Variants in NOS1AP observed in about 807,000 individuals in gnomAD.
NOS1AP encodes nitric oxide synthase 1 adaptor protein.
A neutral mutation model predicts 56.2 loss-of-function variants in NOS1AP; 21 were observed. That is an observed-to-expected ratio of 0.37 (90% CI 0.26 to 0.54). The LOEUF (loss-of-function observed/expected upper bound fraction) is 0.54, where lower values mean the gene tolerates loss of function less well. Among genes scored for constraint, NOS1AP ranks in the 20% least tolerant of loss-of-function variants. NOS1AP has a pLI of 0.84. For missense variants in NOS1AP, 522 were observed against 657.8 expected (o/e 0.79, Z 2.26); for synonymous variants, 270 against 274.6 (o/e 0.98, Z 0.17).
intron 4 of NOS1AP, among the ~76,000 whole-genome samples, chr1:162,322,423 A>G (rs1050559652): frequency 3.9e-4 from 60 of 152,292 alleles, no homozygotes; most frequent in African/African-American, 1.4e-3. Context: ...AAGGAGGTGG[A>G]TACTCTTTCT....
At chr1:162,190,949 T>C (rs1366604475) in intron 2 of NOS1AP, among the ~76,000 whole-genome samples, 1 of 152,142 alleles carries the variant, frequency 6.6e-6, no homozygotes, top group Non-Finnish European at 1.5e-5. Flanking sequence ...AGGGATGAGA[T>C]GCTAGGGTAA....
chr1:162,274,458 T>C (rs1654679245), intron 2 of NOS1AP, among the ~76,000 whole-genome samples: 1 of 152,212 alleles, frequency 6.6e-6, no homozygotes. Context: ...GCAACCCTAA[T>C]TTCTTGTTAT....
At chr1:162,363,026 CA>C in intron 8 of NOS1AP, 7 of 430,272 alleles carry the variant, frequency 1.6e-5, no homozygotes, top group Non-Finnish European at 2.2e-5. Flanking sequence ...ACCAAGCAAG[CA>C]AGCAGTTCTG....
intron 2 of NOS1AP, among the ~76,000 whole-genome samples, chr1:162,199,667 C>G (rs943632571): frequency 6.6e-6 from 1 of 151,172 alleles, no homozygotes; most frequent in African/African-American, 2.4e-5. Flanking sequence ...TGCAAATCCT[C>G]CTGCCCTGAC....
chr1:162,329,710 T>C (rs1656706258), intron 4 of NOS1AP, among the ~76,000 whole-genome samples: 1 of 152,200 alleles, frequency 6.6e-6, no homozygotes, highest in African/African-American at 2.4e-5. Context: ...TGGAATGTAT[T>C]TCTTGATCTG....
intron 6 of NOS1AP, among the ~76,000 whole-genome samples, chr1:162,353,713 C>T (rs138731766): frequency 6.6e-6 from 1 of 152,350 alleles, no homozygotes; most frequent in African/African-American, 2.4e-5. Context: ...AGCCCAGCTT[C>T]TCCTGATCAC....
chr1:162,157,482 A>G (rs532098319), intron 2 of NOS1AP, among the ~76,000 whole-genome samples: 57 of 152,202 alleles, frequency 3.7e-4, no homozygotes, highest in Admixed American at 7.2e-4. Flanking sequence ...ATTTCTGTGT[A>G]AAGGACTATT....
chr1:162,323,478 G>C (rs1656481660), intron 4 of NOS1AP, among the ~76,000 whole-genome samples: 1 of 152,208 alleles, frequency 6.6e-6, no homozygotes, highest in Non-Finnish European at 1.5e-5. Flanking sequence ...ATGCACAGGG[G>C]TTACCTCTCT....
intron 2 of NOS1AP, among the ~76,000 whole-genome samples, chr1:162,282,244 C>T (rs1315780088): frequency 6.6e-6 from 1 of 152,228 alleles, no homozygotes; most frequent in African/African-American, 2.4e-5. Context: ...ACCTGTTAAA[C>T]AACTTCCATT....
At chr1:162,342,657 T>C (rs114488722) in intron 5 of NOS1AP, 44 of 460,782 alleles carry the variant, frequency 9.5e-5, no homozygotes, top group African/African-American at 7.4e-4. Flanking sequence ...TCTAGACTTA[T>C]CAAAACACTG....
At chr1:162,288,945 A>G (rs1282874099) in intron 3 of NOS1AP, among the ~76,000 whole-genome samples, 1 of 152,170 alleles carries the variant, frequency 6.6e-6, no homozygotes, top group Non-Finnish European at 1.5e-5. Context: ...TCTTTAGAGT[A>G]TTGTCCTCTT....
chr1:162,114,888 C>T (rs1026162921), intron 1 of NOS1AP, among the ~76,000 whole-genome samples: 6 of 152,186 alleles, frequency 3.9e-5, no homozygotes, highest in Non-Finnish European at 7.3e-5. Flanking sequence ...ATGGTATCTC[C>T]TGTTGCATTT....
chr1:162,350,092 A>T (rs1657441081), intron 6 of NOS1AP, among the ~76,000 whole-genome samples: 2 of 152,156 alleles, frequency 1.3e-5, no homozygotes, highest in Admixed American at 1.3e-4. Flanking sequence ...GAGCGCCCAG[A>T]GTTGAACTGT....
intron 1 of NOS1AP, among the ~76,000 whole-genome samples, chr1:162,117,792 G>A (rs1350831172): frequency 1.3e-5 from 2 of 152,216 alleles, no homozygotes; most frequent in South Asian, 2.1e-4. Context: ...AGGAAGGCAC[G>A]GTACAGGAAA....
intron 2 of NOS1AP, among the ~76,000 whole-genome samples, chr1:162,221,437 A>C (rs896263965): frequency 1.3e-5 from 2 of 151,976 alleles, no homozygotes; most frequent in Admixed American, 1.3e-4. Context: ...TAGAAGTTAC[A>C]GTCATTCTCC....
At chr1:162,205,874 C>T (rs1652146188) in intron 2 of NOS1AP, among the ~76,000 whole-genome samples, 1 of 152,068 alleles carries the variant, frequency 6.6e-6, no homozygotes, top group South Asian at 2.1e-4. Flanking sequence ...TCTGGCCTTA[C>T]ACAGAAAAAG....
chr1:162,343,693 A>G (rs1191299312), intron 5 of NOS1AP, 142 bp from the exon 6 acceptor site: 1 of 896,598 alleles, frequency 1.1e-6, no homozygotes, highest in Non-Finnish European at 1.8e-6. Flanking sequence ...AGAAAGGGGA[A>G]ATGTCTTTGC....
intron 1 of NOS1AP, among the ~76,000 whole-genome samples, chr1:162,127,007 T>A (rs1402658334): frequency 6.6e-6 from 1 of 152,228 alleles, no homozygotes; most frequent in Non-Finnish European, 1.5e-5. Flanking sequence ...CTGTAGAGTT[T>A]TAATTGTACT....
At chr1:162,319,930 C>G (rs937916866) in intron 4 of NOS1AP, among the ~76,000 whole-genome samples, 5 of 152,214 alleles carry the variant, frequency 3.3e-5, no homozygotes, top group African/African-American at 1.2e-4. Context: ...ACAATCCTGC[C>G]ACCTCCCACG....
Sources: allele counts gnomAD v4.1 joint callset (sites outside exome capture counted in the v4.1 genomes callset), GRCh38; gene constraint gnomAD v4.1.1; transcripts MANE v1.5; gene names NCBI Gene and HGNC (gene_info 2026-07-23, HGNC 2026-07-21).